Variants in CREBBP observed in about 807,000 individuals in gnomAD.
The protein encoded by CREBBP is CREB-binding protein.
CREBBP carries 19 observed loss-of-function variants against 265.0 expected under a neutral mutation model. The ratio of observed to expected loss-of-function variants is 0.07; its 90% CI spans 0.05 to 0.11. CREBBP has a LOEUF of 0.11. Ranked by LOEUF, CREBBP falls within the 10% of genes least tolerant of loss-of-function variation. The pLI is 1.00. For missense variants in CREBBP, 2,525 were observed against 3,219.0 expected, an observed-to-expected ratio of 0.78 and a Z score of 5.22; for synonymous variants, 1,457 against 1,223.7, an observed-to-expected ratio of 1.19 and a Z score of -3.98.
rs1064796292 is a variant in CREBBP, at chr16:3,793,470, G to C, written c.1132C>G (p.Arg378Gly). The part of the protein sequence containing the change: ...QRREQANGEV[R>G]ACSLPHCRTM... ...CGACAATGCGGGAGCGAGCAGGCCC[G>C]AACCTCTCCGTTTGCTTGCTCTCGT... The change falls in exon 4 of 31, where the codon CGG becomes GGG. Residue 378 changes from arginine (R) to glycine (G), a missense_variant. Physicochemically the swap from Arg to Gly is moderately radical, Grantham distance 125. This residue lies in a region of CREBBP where 126 missense variants were observed against 171.9 expected (regional missense o/e 0.73). Coordinates refer to ENST00000262367, the MANE Select transcript of CREBBP (RefSeq NM_004380.3). The C allele has an allele frequency of 1.9e-6, 3 of 1,614,072 alleles. No individual in the cohort carries two copies. The highest frequency in any genetic ancestry group is 2.5e-6 in the Non-Finnish European group (3 of 1,180,004).
chr16:3,856,679 T>A (rs1452493423), intron 1 of CREBBP, among the ~76,000 whole-genome samples: 1 of 152,144 alleles, frequency 6.6e-6, no homozygotes, highest in Non-Finnish European at 1.5e-5. Flanking sequence ...TGAAACTTCA[T>A]CTAAACCAGG....
intron 1 of CREBBP, among the ~76,000 whole-genome samples, chr16:3,872,509 T>C (rs1257986174): frequency 1.3e-5 from 2 of 152,082 alleles, no homozygotes; most frequent in Non-Finnish European, 2.9e-5. Context: ...ACTCATGCAA[T>C]AGGAGAATTT....
intron 3 of CREBBP, among the ~76,000 whole-genome samples, chr16:3,798,982 C>T (rs934366126): frequency 6.6e-6 from 1 of 152,150 alleles, no homozygotes; most frequent in Non-Finnish European, 1.5e-5. Flanking sequence ...ATAACCAAAA[C>T]GGAATATTAT....
At chr16:3,814,199 GAGACAGAGTCTCGT>G (rs1567334032) in intron 2 of CREBBP, among the ~76,000 whole-genome samples, 1 of 144,432 alleles carries the variant, frequency 6.9e-6, no homozygotes, top group African/African-American at 2.7e-5. Context: ...GTGTGTGTTT[GAGACAGAGTCTCGT>G]TCTGTGTGTG....
At chr16:3,804,550 C>A (rs986248682) in intron 3 of CREBBP, among the ~76,000 whole-genome samples, 3 of 152,226 alleles carry the variant, frequency 2.0e-5, no homozygotes, top group African/African-American at 7.2e-5. Context: ...ATTATATTCG[C>A]ATTACTGCTA....
At chr16:3,729,999 CCA>C in intron 30 of CREBBP, 125 bp from the exon 31 acceptor site, 1 of 1,494,306 alleles carries the variant, frequency 6.7e-7, no homozygotes, top group South Asian at 1.2e-5. Flanking sequence ...GATAGGAGAC[CCA>C]GACAGGATGC....
Position 3,792,042 on chromosome 16 carries a change from T to C in CREBBP, c.1269A>G (p.Thr423=). The change falls in exon 5 of 31, where the codon ACA becomes ACG. Residue 423 remains threonine, a synonymous_variant. Transcript: ENST00000262367. ...RQIISHWKNC[T]RHDCPVCLPL... Reference sequence around the variant, plus strand: ...GGAGGCAAACAGGACAGTCATGTCGTGTGCAGTTCTTCCAATGAGAGATGA... The same window carrying C: ...GGAGGCAAACAGGACAGTCATGTCGCGTGCAGTTCTTCCAATGAGAGATGA... 3.1e-6 allele frequency: 5 copies of C among 1,614,262 alleles called. No homozygotes were observed. Among genetic ancestry groups the C allele is most frequent in the Non-Finnish European group, 4.2e-6 (5 of 1,180,042 alleles).
intron 19 of CREBBP, among the ~76,000 whole-genome samples, chr16:3,753,032 T>C (rs2052509239): frequency 6.6e-6 from 1 of 152,012 alleles, no homozygotes; most frequent in Non-Finnish European, 1.5e-5. Context: ...GAAGAATGAG[T>C]GTCAGGTAGC....
At chr16:3,771,912 G>A (rs2053020529) in intron 13 of CREBBP, among the ~76,000 whole-genome samples, 1 of 151,378 alleles carries the variant, frequency 6.6e-6, no homozygotes, top group South Asian at 2.1e-4. Flanking sequence ...CCGGGTTCCA[G>A]TGATTCTCCT....
Position 3,850,811 on chromosome 16 carries a change from A to G in CREBBP, c.284T>C (p.Val95Ala). The change falls in exon 2 of 31, where the codon GTG becomes GCG. Residue 95 changes from valine to alanine, a missense_variant. Physicochemically the swap from Val to Ala is moderately conservative, Grantham distance 64 (BLOSUM62 0). Around this residue, in one of 19 missense-constraint regions of CREBBP, gnomAD observed 356 missense variants for 340.4 expected, o/e 1.05. Coordinates refer to ENST00000262367, the MANE Select transcript of CREBBP (RefSeq NM_004380.3). ...GIGNVSASSPVQQGLGGQAQG... is the reference protein window; with the variant it reads ...GIGNVSASSPAQQGLGGQAQG... ...AGCCTGGCCACCCAGGCCCTGCTGC[A>G]CGGGGCTGCTGGCGCTCACATTTCC... is the stretch of plus-strand genomic sequence containing the variant. 6.2e-7 allele frequency: 1 copy of G among 1,614,120 alleles called. No individual in the cohort carries two copies. Among genetic ancestry groups the G allele is most frequent in the Non-Finnish European group, 8.5e-7 (1 of 1,180,038 alleles).
At position 3,727,713 on chromosome 16, in the gene CREBBP, C is replaced by A. The variant is rs2151297736; in HGVS notation, c.*5G>T. Reference sequence around the variant, plus strand: ...TGAAAGGGAAAAGGTGATGCTCTCACAATGCTACAAGCCCTCCACAAACTT... The same window carrying A: ...TGAAAGGGAAAAGGTGATGCTCTCAAAATGCTACAAGCCCTCCACAAACTT... On this transcript the variant is annotated 3_prime_UTR_variant, in exon 31 of 31. Transcript: ENST00000262367. 6.2e-7 allele frequency: 1 copy of A among 1,614,070 alleles called. No individual in the cohort carries two copies. Among genetic ancestry groups the A allele is most frequent in the Admixed American group, 1.7e-5 (1 of 60,012 alleles).
intron 4 of CREBBP, among the ~76,000 whole-genome samples, chr16:3,792,784 C>A (rs1037783300): frequency 2.6e-5 from 4 of 152,228 alleles, no homozygotes; most frequent in African/African-American, 9.6e-5. Context: ...GAAACACTTC[C>A]TTCGGTAGAA....
In CREBBP at chr16:3,847,843, C is replaced by G. The variant is rs2054699745; in HGVS notation, c.798+2454G>C. Reference sequence around the variant, plus strand: ...GATTCTTAAGAGGCATATCAACTAACTGAAATGTAGATTTTGAGTAAAAAT... The same window carrying G: ...GATTCTTAAGAGGCATATCAACTAAGTGAAATGTAGATTTTGAGTAAAAAT... On this transcript the variant is annotated intron_variant, in intron 2 of 30. Transcript: ENST00000262367. 2.0e-5 allele frequency among the ~76,000 whole-genome samples: 3 copies of G among 152,186 alleles called. No individual in the cohort carries two copies. In the South Asian group the frequency reaches 6.2e-4, roughly 32 times the overall value.
At chr16:3,806,331 A>G (rs907627346) in intron 3 of CREBBP, among the ~76,000 whole-genome samples, 2 of 152,130 alleles carry the variant, frequency 1.3e-5, no homozygotes, top group African/African-American at 4.8e-5. Context: ...CTCCACTCCA[A>G]AATTCTGAAA....
chr16:3,740,449 C>G lies in CREBBP; in HGVS notation c.4083G>C (p.Val1361=). The G allele has an allele frequency of 1.2e-6, 2 of 1,614,176 alleles. No individual in the cohort carries two copies. Among genetic ancestry groups the G allele is most frequent in the Non-Finnish European group, 1.7e-6 (2 of 1,180,034 alleles). The change falls in exon 24 of 31, where the codon GTG becomes GTC. Residue 1361 remains valine, a synonymous_variant. Coordinates refer to ENST00000262367, the MANE Select transcript of CREBBP (RefSeq NM_004380.3). ...HPEAGEVFVR[V]VASSDKTVEV... ...CCACCGTCTTGTCTGAGCTGGCCAC[C>G]ACTCGGACAAAAACCTCCCCGGCTT...
chr16:3,874,292 G>A (rs964154994), intron 1 of CREBBP, among the ~76,000 whole-genome samples: 1 of 152,184 alleles, frequency 6.6e-6, no homozygotes, highest in East Asian at 1.9e-4. Flanking sequence ...CTGCTCACCT[G>A]GGCTCTCCCG....
rs750996342 is a variant in CREBBP at position 3,769,371 on chromosome 16, G to T, written c.2881-18C>A. 1.9e-6 allele frequency: 3 copies of T among 1,613,990 alleles called. No individual in the cohort carries two copies. Among genetic ancestry groups the T allele is most frequent in the Admixed American group, 3.3e-5 (2 of 60,008 alleles). On this transcript the variant is annotated intron_variant, in intron 14 of 30. Transcript: ENST00000262367. ...TGGGAAAGCTGTGAAAAAACCGAAA[G>T]CACTGACTTCAGTAAGCAAGGTAAC...
intron 2 of CREBBP, among the ~76,000 whole-genome samples, chr16:3,822,305 G>C (rs187743416): frequency 1.3e-5 from 2 of 152,200 alleles, no homozygotes; most frequent in South Asian, 4.1e-4. Flanking sequence ...AGGAAGGCGT[G>C]AATGTGTATA....
chr16:3,779,785 T>C (rs927511855), intron 8 of CREBBP, among the ~76,000 whole-genome samples: 2 of 152,240 alleles, frequency 1.3e-5, no homozygotes, highest in African/African-American at 4.8e-5. Context: ...TCAAAGGGAA[T>C]GTAAGTCTAG....
Sources: allele counts gnomAD v4.1 joint callset (sites outside exome capture counted in the v4.1 genomes callset), GRCh38; gene constraint gnomAD v4.1.1; regional missense constraint gnomAD v4.1.1; transcripts MANE v1.5; gene names NCBI Gene and HGNC (gene_info 2026-07-23, HGNC 2026-07-21).